The following ROCK2 variants were observed in gnomAD, a reference collection of about 807,000 sequenced individuals.
ROCK2 encodes Rho associated coiled-coil containing protein kinase 2.
In ROCK2, 61 loss-of-function variants were observed where a neutral mutation model predicts 195.1. The observed-to-expected ratio is 0.31, with a 90% CI of 0.25 to 0.39. The LOEUF (loss-of-function observed/expected upper bound fraction) is 0.39. Among genes scored for constraint, ROCK2 ranks in the 10% least tolerant of loss-of-function variants. ROCK2 has a pLI of 1.00. For synonymous variants in ROCK2, 504 were observed against 545.5 expected, an observed-to-expected ratio of 0.92 and a Z score of 1.06; for missense variants, 1,109 against 1,637.4, an observed-to-expected ratio of 0.68 and a Z score of 5.57.
At chr2:11,334,804 A>G (rs1198373918) in intron 1 of ROCK2, among the ~76,000 whole-genome samples, 1 of 150,768 alleles carries the variant, frequency 6.6e-6, no homozygotes, top group Non-Finnish European at 1.5e-5. Context: ...CTCAATAATT[A>G]AACATTAGAA....
At chr2:11,198,885 T>TA in intron 23 of ROCK2, 111 bp from the exon 24 acceptor site, 2 of 463,918 alleles carry the variant, frequency 4.3e-6, no homozygotes, top group Admixed American at 4.3e-5. Context: ...TTATTTTTCT[T>TA]TTTTTTTTTT....
At chr2:11,220,888 A>AT (rs1442983449) in intron 9 of ROCK2, among the ~76,000 whole-genome samples, 1 of 152,116 alleles carries the variant, frequency 6.6e-6, no homozygotes, top group African/African-American at 2.4e-5. Context: ...CAACTGTCAC[A>AT]TTTTACCCTT....
chr2:11,183,529 T>C (rs1663082790), intron 32 of ROCK2, 89 bp from the exon 33 acceptor site: 2 of 913,852 alleles, frequency 2.2e-6, no homozygotes, highest in Non-Finnish European at 3.4e-6. Flanking sequence ...ATTCACATTA[T>C]TAAACTATAT....
At chr2:11,278,561 T>C (rs1420648213) in intron 3 of ROCK2, among the ~76,000 whole-genome samples, 1 of 152,230 alleles carries the variant, frequency 6.6e-6, no homozygotes, top group African/African-American at 2.4e-5. Flanking sequence ...TGATTTCACT[T>C]CCTTTAGATA....
intron 3 of ROCK2, among the ~76,000 whole-genome samples, chr2:11,285,505 G>A (rs1250731853): frequency 6.6e-6 from 1 of 151,988 alleles, no homozygotes; most frequent in Non-Finnish European, 1.5e-5. Flanking sequence ...TACATAAATT[G>A]CACTACCCTG....
chr2:11,240,403 A>C (rs2357996), intron 4 of ROCK2, among the ~76,000 whole-genome samples: 140,533 of 152,306 alleles, frequency 0.92, 65,036 homozygotes, highest in East Asian at 0.99. Flanking sequence ...ATTTATTATA[A>C]CACACCATAC....
At chr2:11,226,710 G>A (rs1055823691) in intron 6 of ROCK2, among the ~76,000 whole-genome samples, 3 of 151,848 alleles carry the variant, frequency 2.0e-5, no homozygotes, top group Non-Finnish European at 4.4e-5. Context: ...TCAGGAGTTT[G>A]AAACTAGCCT....
At chr2:11,321,128 T>C (rs1358176582) in intron 1 of ROCK2, among the ~76,000 whole-genome samples, 2 of 152,126 alleles carry the variant, frequency 1.3e-5, no homozygotes, top group Non-Finnish European at 2.9e-5. Context: ...TAGCTCTAGA[T>C]TAACTGCTGC....
At chr2:11,262,612 C>T (rs1446305978) in intron 3 of ROCK2, among the ~76,000 whole-genome samples, 1 of 152,140 alleles carries the variant, frequency 6.6e-6, no homozygotes, top group Non-Finnish European at 1.5e-5. Flanking sequence ...CCTGCACAAG[C>T]TCTCTTTGCC....
rs114033616 is a variant in ROCK2, at chr2:11,341,862, T to C, written c.141+2134A>G. Among the ~76,000 whole-genome samples the C allele has an allele frequency of 8.9e-3, 1,360 of 152,256 alleles. 16 individuals carry two copies. Among genetic ancestry groups the C allele is most frequent in the African/African-American group, 0.031 (1,283 of 41,536 alleles). On this transcript the variant is annotated intron_variant, in intron 1 of 32. Transcript: ENST00000315872. ...AATTTTTATAACATTCTTTTAAACA[T>C]TAATTTACAGTTTCAGTTTGGAAAA... is the stretch of plus-strand genomic sequence containing the variant.
chr2:11,291,029 G>A (rs1667346936), intron 1 of ROCK2, among the ~76,000 whole-genome samples: 1 of 152,136 alleles, frequency 6.6e-6, no homozygotes, highest in Non-Finnish European at 1.5e-5. Context: ...AAGCATGAGA[G>A]AAAGGCAGGG....
Position 11,268,782 on chromosome 2 carries a change from A to T in ROCK2, c.324+17757T>A, listed in dbSNP as rs144987591. Reference sequence around the variant, plus strand: ...ATTTCCTTGAGTTCAAGTTCATTTTAGTTGGATTTTGTTGACTTTCTTGGA... The same window carrying T: ...ATTTCCTTGAGTTCAAGTTCATTTTTGTTGGATTTTGTTGACTTTCTTGGA... On this transcript the variant is annotated intron_variant, in intron 3 of 32. Transcript: ENST00000315872. 1.2e-3 allele frequency among the ~76,000 whole-genome samples: 189 copies of T among 152,268 alleles called. 2 individuals are homozygous for T. The highest frequency in any genetic ancestry group is 2.2e-3 in the Non-Finnish European group (150 of 68,006).
chr2:11,312,191 T>G (rs1282734781), intron 1 of ROCK2, among the ~76,000 whole-genome samples: 1 of 152,198 alleles, frequency 6.6e-6, no homozygotes, highest in Non-Finnish European at 1.5e-5. Flanking sequence ...AATTAACAAA[T>G]TCATATTTTA....
chr2:11,233,170 C>T (rs1439424383), intron 5 of ROCK2, among the ~76,000 whole-genome samples: 1 of 152,180 alleles, frequency 6.6e-6, no homozygotes, highest in East Asian at 1.9e-4. Flanking sequence ...GCTATGATTA[C>T]ACCACTACAC....
At chr2:11,296,607 G>A (rs1262314908) in intron 1 of ROCK2, among the ~76,000 whole-genome samples, 2 of 152,080 alleles carry the variant, frequency 1.3e-5, no homozygotes, top group African/African-American at 4.8e-5. Flanking sequence ...TACACACTAT[G>A]CATTTAAAGA....
chr2:11,306,965 G>C (rs1462428511), intron 1 of ROCK2, among the ~76,000 whole-genome samples: 1 of 152,114 alleles, frequency 6.6e-6, no homozygotes, highest in Non-Finnish European at 1.5e-5. Context: ...GGGGAAAAAA[G>C]AATGACGCCA....
At chr2:11,243,657 A>G (rs1665511346) in intron 4 of ROCK2, among the ~76,000 whole-genome samples, 1 of 152,186 alleles carries the variant, frequency 6.6e-6, no homozygotes, top group South Asian at 2.1e-4. Context: ...CCTACAGTAT[A>G]ATTCATGTAC....
chr2:11,263,668 CACACAA>C (rs1278802506), intron 3 of ROCK2, among the ~76,000 whole-genome samples: 2 of 146,490 alleles, frequency 1.4e-5, no homozygotes, highest in African/African-American at 5.0e-5. Flanking sequence ...CACACACACA[CACACAA>C]AAAAAAACAA....
At chr2:11,196,790 A>G (rs1443357830) in intron 27 of ROCK2, among the ~76,000 whole-genome samples, 1 of 152,208 alleles carries the variant, frequency 6.6e-6, no homozygotes, top group African/African-American at 2.4e-5. Context: ...GCTTAGTGGC[A>G]ATATTGAGAG....
Sources: allele counts gnomAD v4.1 joint callset (sites outside exome capture counted in the v4.1 genomes callset), GRCh38; gene constraint gnomAD v4.1.1; transcripts MANE v1.5; gene names NCBI Gene and HGNC (gene_info 2026-07-23, HGNC 2026-07-21).